The following TMEM266 variants were observed in gnomAD, a reference collection of about 807,000 sequenced individuals.
TMEM266 encodes the protein Hv1 related protein 1.
Under a neutral mutation model 50.5 loss-of-function variants are expected in TMEM266, and 33 were observed. The ratio of observed to expected loss-of-function variants is 0.65; its 90% CI spans 0.50 to 0.87. TMEM266 has a LOEUF of 0.87. TMEM266 is among the 40% of genes least tolerant of loss of function. The pLI, the probability that TMEM266 is intolerant of heterozygous loss-of-function variation, is 0.00. For synonymous variants in TMEM266, 310 were observed against 292.3 expected (o/e 1.06, Z -0.62); for missense variants, 655 against 695.1 (o/e 0.94, Z 0.65).
intron 1 of TMEM266, among the ~76,000 whole-genome samples, chr15:76,060,348 C>T (rs1172855524): frequency 6.6e-6 from 1 of 150,736 alleles, no homozygotes; most frequent in East Asian, 1.9e-4. Flanking sequence ...ATTAATAAAA[C>T]ATGCAAGCTG....
At chr15:76,115,782 A>G (rs1015109711) in intron 1 of TMEM266, among the ~76,000 whole-genome samples, 8 of 152,122 alleles carry the variant, frequency 5.3e-5, no homozygotes, top group Admixed American at 5.2e-4. Flanking sequence ...TTCAATATGT[A>G]TCCCTTCTAT....
chr15:76,198,113 G>A (rs972330500), intron 9 of TMEM266, among the ~76,000 whole-genome samples: 1 of 152,134 alleles, frequency 6.6e-6, no homozygotes, highest in Non-Finnish European at 1.5e-5. Flanking sequence ...CATGATCTCA[G>A]GGACTCTTTC....
chr15:76,088,700 G>C (rs1229164580), intron 1 of TMEM266, among the ~76,000 whole-genome samples: 2 of 152,124 alleles, frequency 1.3e-5, no homozygotes. Context: ...GGGAGGCTGA[G>C]GCAGGAGAAT....
intron 9 of TMEM266, among the ~76,000 whole-genome samples, chr15:76,193,422 G>A (rs746952272): frequency 1.1e-4 from 17 of 152,142 alleles, no homozygotes; most frequent in Non-Finnish European, 2.4e-4. Context: ...GTCTTGCTAT[G>A]TTGCCCAGGC....
intron 1 of TMEM266, among the ~76,000 whole-genome samples, chr15:76,063,729 A>G (rs2036354187): frequency 6.6e-6 from 1 of 152,202 alleles, no homozygotes; most frequent in Non-Finnish European, 1.5e-5. Context: ...TCACTCCCCC[A>G]ACTCTGGTAC....
chr15:76,163,969 G>A (rs754151232), intron 5 of TMEM266, among the ~76,000 whole-genome samples: 7 of 152,146 alleles, frequency 4.6e-5, no homozygotes, highest in Non-Finnish European at 7.3e-5. Context: ...ATGTGCAGCC[G>A]TCACTTCTAC....
chr15:76,095,188 T>G (rs2036905688), intron 1 of TMEM266, among the ~76,000 whole-genome samples: 1 of 152,106 alleles, frequency 6.6e-6, no homozygotes, highest in Non-Finnish European at 1.5e-5. Context: ...CCTTGTCTTG[T>G]GCCAGTTTTC....
chr15:76,160,954 G>A lies in TMEM266; in HGVS notation c.456+786G>A, dbSNP rs906664227. ...TTTGAGCAGTTCCCAGGCTGTCCCA[G>A]TGAGACTCTGGCCTGCATCTGGGTG... On this transcript the variant is annotated intron_variant, in intron 5 of 10. Transcript: ENST00000388942. This position sits in a 1 kb window ranked among gnomAD's most constrained non-coding sequence, Gnocchi z 5.7. Among the ~76,000 whole-genome samples the A allele has an allele frequency of 9.9e-5, 15 of 152,208 alleles. No individual in the cohort carries two copies. The highest frequency in any genetic ancestry group is 7.2e-4 in the Admixed American group (11 of 15,286).
intron 8 of TMEM266, chr15:76,180,866 AC>A (rs2038393770): frequency 6.6e-6 from 1 of 151,802 alleles, no homozygotes; most frequent in African/African-American, 2.4e-5. Context: ...CACCCGCCTC[AC>A]CCTCCCAAAG....
At chr15:76,202,924 A>C (rs1347553383) in intron 10 of TMEM266, among the ~76,000 whole-genome samples, 1 of 151,954 alleles carries the variant, frequency 6.6e-6, no homozygotes, top group Non-Finnish European at 1.5e-5. Flanking sequence ...TCCACAATTT[A>C]GTCTCCCTAA....
chr15:76,117,783 G>A (rs1022717651), intron 1 of TMEM266, among the ~76,000 whole-genome samples: 14 of 152,302 alleles, frequency 9.2e-5, no homozygotes, highest in Non-Finnish European at 1.6e-4. Context: ...ACGAACTGAT[G>A]CCTGGAGGTG....
chr15:76,147,506 T>C (rs1363638039), intron 3 of TMEM266, among the ~76,000 whole-genome samples: 1 of 152,146 alleles, frequency 6.6e-6, no homozygotes, highest in African/African-American at 2.4e-5. Context: ...TTGTCTATAA[T>C]AAAACACCAC....
chr15:76,191,869 C>A, intron 8 of TMEM266, 99 bp from the exon 9 acceptor site: 2 of 1,158,508 alleles, frequency 1.7e-6, no homozygotes, highest in Non-Finnish European at 1.2e-6. Flanking sequence ...CAGTCCTCCC[C>A]ACCCCGCCCC....
At chr15:76,154,992 A>G (rs748185904) in intron 3 of TMEM266, among the ~76,000 whole-genome samples, 1 of 151,922 alleles carries the variant, frequency 6.6e-6, no homozygotes, top group Non-Finnish European at 1.5e-5. Context: ...CAGATATTTT[A>G]TCATCATCGT....
chr15:76,077,163 C>T (rs1212146599), intron 1 of TMEM266, among the ~76,000 whole-genome samples: 2 of 151,964 alleles, frequency 1.3e-5, no homozygotes, highest in African/African-American at 4.8e-5. Context: ...CAGGGTTTCG[C>T]CATGTTGCCC....
In TMEM266 at chr15:76,172,325, C is replaced by G. The variant is rs1385660210; in HGVS notation, c.652+1194C>G. On this transcript the variant is annotated intron_variant, in intron 7 of 10. Coordinates refer to ENST00000388942, the MANE Select transcript of TMEM266 (RefSeq NM_152335.3). ...TTCTCCCTTGCCCTCTGAGGCACCT[C>G]TAAGAAACTGCCAGGCCTTCTGGAG... Among the ~76,000 whole-genome samples, 6 of 152,244 alleles carry G rather than the reference C, an allele frequency of 3.9e-5. No individual in the cohort carries two copies. The South Asian group carries it at 6.2e-4, about 16-fold the overall frequency.
intron 1 of TMEM266, among the ~76,000 whole-genome samples, chr15:76,067,026 C>G (rs1466706176): frequency 6.6e-6 from 1 of 152,110 alleles, no homozygotes; most frequent in Non-Finnish European, 1.5e-5. Flanking sequence ...CCAGAAATTG[C>G]CAAATGTCCC....
intron 8 of TMEM266, among the ~76,000 whole-genome samples, chr15:76,179,870 C>T (rs998080826): frequency 6.6e-6 from 1 of 152,160 alleles, no homozygotes; most frequent in African/African-American, 2.4e-5. Flanking sequence ...AGGAGGACTG[C>T]TTGAGGCCAG....
At chr15:76,082,942 C>T (rs2036716976) in intron 1 of TMEM266, among the ~76,000 whole-genome samples, 3 of 151,890 alleles carry the variant, frequency 2.0e-5, no homozygotes, top group Admixed American at 2.0e-4. Flanking sequence ...GCACTCCAGG[C>T]TGGGCGACAG....
Sources: allele counts gnomAD v4.1 joint callset (sites outside exome capture counted in the v4.1 genomes callset), GRCh38; gene constraint gnomAD v4.1.1; non-coding constraint Gnocchi (gnomAD v3.1); transcripts MANE v1.5; gene names NCBI Gene and HGNC (gene_info 2026-07-23, HGNC 2026-07-21).